The following SYTL2 variants were observed in gnomAD, a reference collection of about 807,000 sequenced individuals.
SYTL2 encodes synaptotagmin-like protein 2.
SYTL2 carries 165 observed loss-of-function variants against 198.7 expected under a neutral mutation model. The ratio of observed to expected loss-of-function variants is 0.83; its 90% CI spans 0.73 to 0.94. SYTL2 has a LOEUF of 0.94. SYTL2 is among the 40% of genes least tolerant of loss of function. SYTL2 has a pLI of 0.00. For missense variants in SYTL2, 2,835 were observed against 2,582.8 expected (o/e 1.10, Z -2.12); for synonymous variants, 966 against 917.7 (o/e 1.05, Z -0.95).
chr11:85,782,012 G>T lies in SYTL2; in HGVS notation c.-389-23898C>A, dbSNP rs971305762. ...CACAGCTCCACTAGGCAGTGCCCCA[G>T]TGGGGACTGGGTGTGGGGTCTCCAA... On this transcript the variant is annotated intron_variant, in intron 1 of 19. Transcript: ENST00000359152. Among the ~76,000 whole-genome samples, 9 of 152,236 alleles carry T rather than the reference G, an allele frequency of 5.9e-5. 1 individual carries two copies. The highest frequency in any genetic ancestry group is 1.5e-5 in the Non-Finnish European group (1 of 68,038).
At chr11:85,718,961 G>C (rs1301827030) in intron 9 of SYTL2, 118 bp from the exon 10 acceptor site, 1 of 1,542,268 alleles carries the variant, frequency 6.5e-7, no homozygotes, top group Non-Finnish European at 8.7e-7. Flanking sequence ...GCAATGAGGG[G>C]TGCAACCAAG....
intron 4 of SYTL2, 46 bp downstream of exon 4, chr11:85,745,591 C>A (rs753921831): frequency 7.6e-6 from 12 of 1,587,040 alleles, no homozygotes; most frequent in Non-Finnish European, 7.7e-6. Context: ...ACACCCCAGG[C>A]CATGAAAGCC....
chr11:85,822,710 C>T, the SYTL2 span, among the ~76,000 whole-genome samples: 7 of 152,162 alleles, frequency 4.6e-5, no homozygotes, highest in Non-Finnish European at 1.5e-5. Flanking sequence ...GAAGGAATCC[C>T]AAGGAAAGTA....
chr11:85,846,860 A>G, the SYTL2 span, among the ~76,000 whole-genome samples: 1 of 150,318 alleles, frequency 6.7e-6, no homozygotes, highest in African/African-American at 2.5e-5. Flanking sequence ...CAGCCTCCCA[A>G]GTAGCTGGGA....
Position 85,780,757 on chromosome 11 carries a change from C to G in SYTL2, c.-389-22643G>C, listed in dbSNP as rs1400512482. Among the ~76,000 whole-genome samples, 5 of 152,120 alleles carry G rather than the reference C, an allele frequency of 3.3e-5. 1 individual carries two copies. Among genetic ancestry groups the G allele is most frequent in the Admixed American group, 2.0e-4 (3 of 15,282 alleles). On this transcript the variant is annotated intron_variant, in intron 1 of 19. Transcript: ENST00000359152. Reference sequence around the variant, plus strand: ...TTCTGTAACATTCTAGTGAATTAGTCAAACCCAAAAAAAGGAGTAGTGAGA... The same window carrying G: ...TTCTGTAACATTCTAGTGAATTAGTGAAACCCAAAAAAAGGAGTAGTGAGA...
the SYTL2 span, among the ~76,000 whole-genome samples, chr11:85,839,185 T>C: frequency 2.6e-5 from 4 of 152,254 alleles, no homozygotes; most frequent in Admixed American, 1.3e-4. Context: ...TAAACAGCTA[T>C]AGGAACTTGC....
the SYTL2 span, among the ~76,000 whole-genome samples, chr11:85,833,729 CTT>C: frequency 1.1e-4 from 13 of 121,118 alleles, no homozygotes; most frequent in Non-Finnish European, 1.0e-4. Context: ...TCGAAGATTT[CTT>C]TTTTTTTTTT....
chr11:85,704,356 T>C (rs1215183204), intron 16 of SYTL2, among the ~76,000 whole-genome samples: 3 of 152,066 alleles, frequency 2.0e-5, no homozygotes, highest in Non-Finnish European at 2.9e-5. Flanking sequence ...TGTATGTATA[T>C]GTAATAAGAC....
rs1190328512 is a variant in SYTL2, at chr11:85,734,005, T to A, written c.1324A>T (p.Asn442Tyr). 1.2e-6 allele frequency: 2 copies of A among 1,614,128 alleles called. No individual in the cohort carries two copies. Among genetic ancestry groups the A allele is most frequent in the East Asian group, 4.5e-5 (2 of 44,880 alleles). Residue 442 changes from asparagine to tyrosine, a missense_variant, in exon 7 of 20, where the codon AAT (asparagine) becomes TAT (tyrosine). Around this residue, in one of 3 missense-constraint regions of SYTL2, gnomAD observed 2,645 missense variants for 2,381.7 expected, o/e 1.11. Transcript: ENST00000359152. ...PQSMENSPTI[N>Y]EPKDKSSELT... ...TCTGATGATTTATCTTTGGGTTCAT[T>A]GATGGTTGGTGAATTCTCCATAGAC...
intron 1 of SYTL2, among the ~76,000 whole-genome samples, chr11:85,775,727 C>T (rs575566526): frequency 8.5e-5 from 13 of 152,212 alleles, no homozygotes; most frequent in African/African-American, 2.4e-4. Context: ...GTAATCTGCC[C>T]GCCTCAGCCT....
chr11:85,749,595 C>T (rs553915741), intron 2 of SYTL2, among the ~76,000 whole-genome samples: 13 of 152,300 alleles, frequency 8.5e-5, no homozygotes, highest in Admixed American at 4.6e-4. Context: ...CCAGAGTAAA[C>T]TCTTACAGGA....
chr11:85,817,980 T>G, the SYTL2 span, among the ~76,000 whole-genome samples: 1 of 148,000 alleles, frequency 6.8e-6, no homozygotes, highest in African/African-American at 2.5e-5. Context: ...CTTGGCTCAC[T>G]GCAACCTCTA....
chr11:85,794,996 A>G (rs2092781792), intron 1 of SYTL2, among the ~76,000 whole-genome samples: 1 of 152,128 alleles, frequency 6.6e-6, no homozygotes, highest in Admixed American at 6.6e-5. Context: ...CGGTCTCCAC[A>G]TTTACATTTC....
chr11:85,697,341 G>C (rs1008259750), intron 18 of SYTL2, among the ~76,000 whole-genome samples: 2 of 152,092 alleles, frequency 1.3e-5, no homozygotes, highest in African/African-American at 4.8e-5. Flanking sequence ...CGCTGTACCA[G>C]ATATATGTCA....
At chr11:85,697,842 A>G in intron 18 of SYTL2, 137 bp downstream of exon 18, 1 of 599,798 alleles carries the variant, frequency 1.7e-6, no homozygotes. Context: ...GATTCCTCCA[A>G]TTCATGTCTC....
chr11:85,842,018 C>A, the SYTL2 span, among the ~76,000 whole-genome samples: 6 of 152,166 alleles, frequency 3.9e-5, no homozygotes, highest in Admixed American at 3.9e-4. Flanking sequence ...ATATCTCTGA[C>A]CACCTTTTAC....
chr11:85,726,851 A>G lies in SYTL2; in HGVS notation c.2507T>C (p.Val836Ala). The G allele has an allele frequency of 7.2e-6, 11 of 1,536,578 alleles. No individual in the cohort carries two copies. Among genetic ancestry groups the G allele is most frequent in the Non-Finnish European group, 9.6e-6 (11 of 1,146,978 alleles). ...TGTAGATAAACTGTCCATGGATGAT[A>G]CACCCTGTGACTTCTTCACAGGCTG... ...AYQPVKKSQG[V>A]SSMDSLSTDQ... The change falls in exon 8 of 20, where the codon GTA becomes GCA. Residue 836 changes from valine (V) to alanine (A), a missense_variant. Coordinates refer to ENST00000359152, the MANE Select transcript of SYTL2 (RefSeq NM_206927.4).
rs1342852112 is a variant in SYTL2 at position 85,714,644 on chromosome 11, A to G, written c.5531-137T>C. The G allele has an allele frequency of 2.1e-6, 3 of 1,415,316 alleles. No individual in the cohort carries two copies. In the Admixed American group the frequency reaches 7.7e-5, roughly 36 times the overall value. 87.7% of individuals were successfully genotyped at this position (1,415,316 alleles called of 1,614,324 possible). On this transcript the variant is annotated intron_variant, in intron 11 of 19. Transcript: ENST00000359152. ...AAAAGTTAAAGGCAGAGTAGTCCAC[A>G]TGCACAGGATCATGAGATTAGCAAC...
intron 1 of SYTL2, among the ~76,000 whole-genome samples, chr11:85,809,811 G>A (rs1274017220): frequency 6.6e-6 from 1 of 152,178 alleles, no homozygotes; most frequent in African/African-American, 2.4e-5. Context: ...CTCTTGATGG[G>A]TTCTGCAATC....
Sources: allele counts gnomAD v4.1 joint callset (sites outside exome capture counted in the v4.1 genomes callset), GRCh38; gene constraint gnomAD v4.1.1; regional missense constraint gnomAD v4.1.1; transcripts MANE v1.5; gene names NCBI Gene and HGNC (gene_info 2026-07-23, HGNC 2026-07-21).